The following CLSTN2 variants were observed in gnomAD, a reference collection of about 807,000 sequenced individuals.
CLSTN2 encodes the protein calsyntenin 2, also known as calsyntenin-2.
A neutral mutation model predicts 101.2 loss-of-function variants in CLSTN2; 48 were observed. The ratio of observed to expected loss-of-function variants is 0.47; its 90% CI spans 0.38 to 0.60. The LOEUF is 0.60. CLSTN2 is among the 20% of genes least tolerant of loss of function. The pLI is 0.00. For missense variants in CLSTN2, 1,160 were observed against 1,238.2 expected (o/e 0.94, Z 0.95); for synonymous variants, 481 against 463.6 (o/e 1.04, Z -0.48).
intron 9 of CLSTN2, among the ~76,000 whole-genome samples, chr3:140,537,896 G>A (rs1454897748): frequency 6.6e-6 from 1 of 152,178 alleles, no homozygotes; most frequent in Non-Finnish European, 1.5e-5. Context: ...CAGGTAGGCT[G>A]CTGGTTGTGC....
intron 1 of CLSTN2, among the ~76,000 whole-genome samples, chr3:140,023,651 C>G (rs555497831): frequency 5.8e-4 from 88 of 152,170 alleles, no homozygotes; most frequent in Non-Finnish European, 1.1e-3. Flanking sequence ...ACTGGGGCAC[C>G]TCTACTGCCC....
At chr3:140,387,338 T>C (rs4683830) in intron 2 of CLSTN2, among the ~76,000 whole-genome samples, 62,560 of 152,050 alleles carry the variant, frequency 0.41, 15,551 homozygotes, top group South Asian at 0.6. Context: ...GAGAATTCTC[T>C]GTTAGTTGAT....
At chr3:140,499,480 C>G (rs1273493674) in intron 8 of CLSTN2, among the ~76,000 whole-genome samples, 1 of 152,214 alleles carries the variant, frequency 6.6e-6, no homozygotes, top group Non-Finnish European at 1.5e-5. Context: ...CTTGGGCATT[C>G]TTTTCTTTTT....
At chr3:140,040,147 T>C (rs914983273) in intron 1 of CLSTN2, among the ~76,000 whole-genome samples, 2 of 152,202 alleles carry the variant, frequency 1.3e-5, no homozygotes, top group African/African-American at 4.8e-5. Context: ...TCCCATGTTT[T>C]ACACATCAGC....
At chr3:140,233,012 A>C (rs1031875667) in intron 2 of CLSTN2, among the ~76,000 whole-genome samples, 5 of 152,112 alleles carry the variant, frequency 3.3e-5, no homozygotes, top group African/African-American at 1.2e-4. Flanking sequence ...AGGTTTTAAA[A>C]AGAGAAATGC....
intron 1 of CLSTN2, among the ~76,000 whole-genome samples, chr3:139,977,898 T>G (rs1935847279): frequency 6.6e-6 from 1 of 152,224 alleles, no homozygotes; most frequent in Non-Finnish European, 1.5e-5. Context: ...CCATGGTCTC[T>G]GCTCAGCGTG....
Position 140,175,954 on chromosome 3 carries a change from A to G in CLSTN2, c.113A>G (p.Asn38Ser), listed in dbSNP as rs1283008523. ...RQRRLLAAKV[N>S]KHKPWIETSY... ...TTTTTTCCCCCTTATTTTCTAGTCAATAAGCACAAGCCATGGATCGAGACT... is the reference window on the plus strand; with the variant it reads ...TTTTTTCCCCCTTATTTTCTAGTCAGTAAGCACAAGCCATGGATCGAGACT... The change falls in exon 2 of 17, where the codon AAT becomes AGT. Residue 38 changes from asparagine (N) to serine (S), a missense_variant. Coordinates refer to ENST00000458420, the MANE Select transcript of CLSTN2 (RefSeq NM_022131.3). 9 of 1,611,094 alleles carry G rather than the reference A, an allele frequency of 5.6e-6. No homozygotes were observed. The highest frequency in any genetic ancestry group is 6.8e-6 in the Non-Finnish European group (8 of 1,178,410).
chr3:140,568,760 C>T lies in CLSTN2; in HGVS notation c.*2507C>T, dbSNP rs962846983. On this transcript the variant is annotated 3_prime_UTR_variant, in exon 17 of 17. Coordinates refer to ENST00000458420, the MANE Select transcript of CLSTN2 (RefSeq NM_022131.3). The stretch of plus-strand genomic sequence containing the variant: ...CTGGTTGGGTAGGGAAGGTGTTCCT[C>T]ATGCTCTCTGGGTGGCTGCCTTATT... 7.2e-5 allele frequency: 11 copies of T among 152,194 alleles called. No individual in the cohort carries two copies. Among genetic ancestry groups the T allele is most frequent in the African/African-American group, 2.6e-4 (11 of 41,522 alleles). 9.4% of individuals were successfully genotyped at this position (152,194 alleles called of 1,614,324 possible).
chr3:140,242,965 A>G (rs1309433418), intron 2 of CLSTN2, among the ~76,000 whole-genome samples: 1 of 152,188 alleles, frequency 6.6e-6, no homozygotes, highest in Non-Finnish European at 1.5e-5. Context: ...ACTTTCATCA[A>G]CACCTGCTGC....
At position 140,450,448 on chromosome 3, in the gene CLSTN2, C is replaced by A. The variant is rs371810953; in HGVS notation, c.973+1744C>A. ...GTCAGACTGTTGACATGGTGATGGG[C>A]CTCCTTCACTCCTACTCCTGCACAT... On this transcript the variant is annotated intron_variant, in intron 6 of 16. Transcript: ENST00000458420. Among the ~76,000 whole-genome samples the A allele has an allele frequency of 1.2e-4, 19 of 152,158 alleles. No individual in the cohort carries two copies. The South Asian group carries it at 3.7e-3, about 30-fold the overall frequency.
rs114210864 is a variant in CLSTN2 at position 140,289,546 on chromosome 3, A to G, written c.232+113473A>G. ...ATCACAATCCCATCTGTGGCACAGC[A>G]TTAACTGGGTCTCTGACCCTTTCAT... On this transcript the variant is annotated intron_variant, in intron 2 of 16. Transcript: ENST00000458420. Among the ~76,000 whole-genome samples, 290 of 152,296 alleles carry G rather than the reference A, an allele frequency of 1.9e-3. 1 individual carries two copies. Among genetic ancestry groups the G allele is most frequent in the African/African-American group, 6.2e-3 (257 of 41,572 alleles).
chr3:140,080,765 C>T (rs1351327742), intron 1 of CLSTN2, among the ~76,000 whole-genome samples: 3 of 152,196 alleles, frequency 2.0e-5, no homozygotes, highest in Admixed American at 2.0e-4. Context: ...AATCAGTCCC[C>T]CTACTCCTGG....
At chr3:140,215,468 T>G (rs1405760434) in intron 2 of CLSTN2, among the ~76,000 whole-genome samples, 2 of 152,240 alleles carry the variant, frequency 1.3e-5, no homozygotes, top group Non-Finnish European at 1.5e-5. Flanking sequence ...GATAGTTGTT[T>G]CTGTGCAGAA....
intron 2 of CLSTN2, among the ~76,000 whole-genome samples, chr3:140,328,293 G>A (rs2087350110): frequency 6.6e-6 from 1 of 152,128 alleles, no homozygotes; most frequent in Non-Finnish European, 1.5e-5. Flanking sequence ...ATAATCAGCA[G>A]AGAGACCAAC....
rs59881387 is a variant in CLSTN2, at chr3:140,426,791, T to C, written c.787+5517T>C. ...GGAACCAGATAGACTGTTTGAGTTC[T>C]AAGAGTACTGTTTTCACTTTTACTG... On this transcript the variant is annotated intron_variant, in intron 5 of 16. Transcript: ENST00000458420. 5.0e-3 allele frequency among the ~76,000 whole-genome samples: 759 copies of C among 152,308 alleles called. 9 individuals are homozygous for C. The highest frequency in any genetic ancestry group is 0.018 in the African/African-American group (728 of 41,562).
At chr3:140,211,925 G>A (rs1279404726) in intron 2 of CLSTN2, among the ~76,000 whole-genome samples, 2 of 152,146 alleles carry the variant, frequency 1.3e-5, no homozygotes, top group African/African-American at 2.4e-5. Context: ...AATTTTGACT[G>A]TGTTTAATCT....
At chr3:140,376,212 T>C (rs2087915327) in intron 2 of CLSTN2, among the ~76,000 whole-genome samples, 1 of 152,160 alleles carries the variant, frequency 6.6e-6, no homozygotes, top group Non-Finnish European at 1.5e-5. Context: ...TGTTAGCCAA[T>C]TCCAAATGCA....
chr3:140,093,750 A>G (rs1237399500), intron 1 of CLSTN2, among the ~76,000 whole-genome samples: 3 of 152,228 alleles, frequency 2.0e-5, no homozygotes, highest in Non-Finnish European at 4.4e-5. Context: ...TAAGGTGAAC[A>G]TGGCTATTTA....
At chr3:139,977,657 T>G (rs1935842112) in intron 1 of CLSTN2, among the ~76,000 whole-genome samples, 1 of 151,882 alleles carries the variant, frequency 6.6e-6, no homozygotes, top group Non-Finnish European at 1.5e-5. Context: ...TCATACTGAC[T>G]TTTTTGTTAA....
Sources: allele counts gnomAD v4.1 joint callset (sites outside exome capture counted in the v4.1 genomes callset), GRCh38; gene constraint gnomAD v4.1.1; transcripts MANE v1.5; gene names NCBI Gene and HGNC (gene_info 2026-07-23, HGNC 2026-07-21).